BPIFB3: variants seen among roughly 807,000 people sequenced by gnomAD.
The protein encoded by BPIFB3 is BPI fold containing family B member 3.
Under a neutral mutation model 53.1 loss-of-function variants are expected in BPIFB3, and 49 were observed. The observed-to-expected ratio is 0.92, with a 90% CI of 0.73 to 1.17. The LOEUF (loss-of-function observed/expected upper bound fraction) is 1.17, where lower values mean the gene tolerates loss of function less well. Ranked by LOEUF, BPIFB3 falls within the 50% of genes most tolerant of loss-of-function variation. The pLI is 0.00. For synonymous variants in BPIFB3, 271 were observed against 269.6 expected, an observed-to-expected ratio of 1.01 and a Z score of -0.05; for missense variants, 628 against 592.5, an observed-to-expected ratio of 1.06 and a Z score of -0.62.
Position 33,072,006 on chromosome 20 carries a change from C to T in BPIFB3, c.1261-98C>T, listed in dbSNP as rs1171349632. On this transcript the variant is annotated intron_variant, in intron 12 of 14. Coordinates refer to ENST00000375494, the Ensembl canonical transcript of BPIFB3. Reference sequence around the variant, plus strand: ...TCAGGCTTGGGGGAGGCTGAGGCAGCTGGGCCCCTGGGTTTCTCTCCCTGG... The same window carrying T: ...TCAGGCTTGGGGGAGGCTGAGGCAGTTGGGCCCCTGGGTTTCTCTCCCTGG... 3.1e-6 allele frequency: 4 copies of T among 1,285,838 alleles called. No individual in the cohort carries two copies. The East Asian group carries it at 9.5e-5, about 31-fold the overall frequency. The allele number at this position is 1,285,838 out of a possible 1,614,324, so 79.7% of individuals were successfully genotyped here.
intron 2 of BPIFB3, among the ~76,000 whole-genome samples, chr20:33,058,954 A>G (rs373511719): frequency 3.3e-5 from 5 of 152,038 alleles, no homozygotes; most frequent in East Asian, 1.9e-4. Flanking sequence ...ACTTGTGAGG[A>G]GTCGTGTTTG....
chr20:33,069,231 A>T (rs993047272), intron 10 of BPIFB3, among the ~76,000 whole-genome samples: 1 of 151,968 alleles, frequency 6.6e-6, no homozygotes, highest in Non-Finnish European at 1.5e-5. Flanking sequence ...TGGGGATCTC[A>T]GACGTTGCTC....
At chr20:33,054,341 G>C (rs905835224), upstream of BPIFB3, among the ~76,000 whole-genome samples, 1 of 152,108 alleles carries the variant, frequency 6.6e-6, no homozygotes, top group Non-Finnish European at 1.5e-5. Flanking sequence ...CATGGTCCCT[G>C]CCTTCATGGA....
chr20:33,063,291 C>T (rs1980528168), intron 5 of BPIFB3, among the ~76,000 whole-genome samples: 1 of 152,186 alleles, frequency 6.6e-6, no homozygotes, highest in African/African-American at 2.4e-5. Flanking sequence ...GCCGCTTTTG[C>T]CTCCTCAGGT....
intron 5 of BPIFB3, among the ~76,000 whole-genome samples, 198 bp downstream of exon 6, chr20:33,062,029 C>T (rs887064249): frequency 7.4e-5 from 11 of 148,060 alleles, no homozygotes; most frequent in African/African-American, 1.3e-4. Context: ...ACGATCCTTT[C>T]GGCCTGGGTC....
chr20:33,072,177 G>T lies in BPIFB3; in HGVS notation c.1324+10G>T, dbSNP rs746054391. ...GCACCAAAGCTTAACGGTATGGCAGGTTTTGCTCTCTTGGACACATGGAGT... is the reference window on the plus strand; with the variant it reads ...GCACCAAAGCTTAACGGTATGGCAGTTTTTGCTCTCTTGGACACATGGAGT... On this transcript the variant is annotated intron_variant, in intron 13 of 14. Coordinates refer to ENST00000375494, the Ensembl canonical transcript of BPIFB3. 1 of 1,614,134 alleles carries T rather than the reference G, an allele frequency of 6.2e-7. No individual in the cohort carries two copies. Among genetic ancestry groups the T allele is most frequent in the East Asian group, 2.2e-5 (1 of 44,886 alleles).
At chr20:33,061,796 G>T (rs148635670) in exon 5 of BPIFB3, 113 of 1,614,064 alleles carry the variant, frequency 7.0e-5, no homozygotes, top group Non-Finnish European at 9.0e-5. Flanking sequence ...CTTTGGGGTC[G>T]TGGAACAGAT....
chr20:33,054,481 G>T (rs1316766367), upstream of BPIFB3, among the ~76,000 whole-genome samples: 2 of 152,186 alleles, frequency 1.3e-5, no homozygotes, highest in Non-Finnish European at 2.9e-5. Context: ...AAGGACGGAG[G>T]CCTCTCCAGG....
At chr20:33,058,227 T>C (rs1239182504) in intron 2 of BPIFB3, among the ~76,000 whole-genome samples, 1 of 152,210 alleles carries the variant, frequency 6.6e-6, no homozygotes, top group African/African-American at 2.4e-5. Context: ...AATGGGGTAC[T>C]GGGAGCGGAA....
Position 33,059,890 on chromosome 20 carries a change from G to T in BPIFB3, c.387-1G>T, listed in dbSNP as rs11697151. The T allele has an allele frequency of 9.9e-3, 15,904 of 1,613,542 alleles. 111 individuals are homozygous for T. The highest frequency in any genetic ancestry group is 0.012 in the Non-Finnish European group (13,608 of 1,179,782). On this transcript the variant is annotated splice_acceptor_variant, in intron 3 of 14. Coordinates refer to ENST00000375494, the Ensembl canonical transcript of BPIFB3. LOFTEE classifies it high-confidence loss of function. The stretch of plus-strand genomic sequence containing the variant: ...CACACCCCCAGTGTCCTTTCTTGCA[G>T]CCCCCTTGGTGGCCTTCTGCAGCTG...
At chr20:33,064,462 G>C (rs746590781) in exon 7 of BPIFB3, 2 of 1,613,948 alleles carry the variant, frequency 1.2e-6, no homozygotes, top group South Asian at 2.2e-5. Context: ...CGCAGGCCTG[G>C]TGTCCCTTGG....
chr20:33,064,618 G>GGGTGAGCACCCTAA (rs777411556), intron 7 of BPIFB3, 48 bp from the exon 9 acceptor site: 1 of 1,613,092 alleles, frequency 6.2e-7, no homozygotes, highest in Admixed American at 1.7e-5. Context: ...CAAGGCAGGT[G>GGGTGAGCACCCTAA]GGTGAGCACC....
chr20:33,061,978 C>T, intron 5 of BPIFB3, 147 bp downstream of exon 6: 1 of 924,760 alleles, frequency 1.1e-6, no homozygotes, highest in South Asian at 1.7e-5. Flanking sequence ...GGCCTGCTGA[C>T]CGGCCTTCCT....
chr20:33,066,798 A>C, intron 8 of BPIFB3, 26 bp from the exon 10 acceptor site: 3 of 1,612,402 alleles, frequency 1.9e-6, no homozygotes, highest in Non-Finnish European at 2.5e-6. Context: ...TGTGCTCACC[A>C]ACCCTCTCTC....
intron 8 of BPIFB3, among the ~76,000 whole-genome samples, chr20:33,065,050 C>T (rs1032585489): frequency 2.6e-5 from 4 of 152,204 alleles, no homozygotes; most frequent in Admixed American, 1.3e-4. Flanking sequence ...TGGTCCTCTA[C>T]CTGGTTAAAC....
At chr20:33,060,545 G>C (rs1441752561) in intron 4 of BPIFB3, among the ~76,000 whole-genome samples, 1 of 152,098 alleles carries the variant, frequency 6.6e-6, no homozygotes, top group Non-Finnish European at 1.5e-5. Flanking sequence ...CCTACACCTT[G>C]TTGAATCATC....
intron 9 of BPIFB3, 151 bp from the exon 11 acceptor site, chr20:33,068,652 T>C: frequency 1.3e-6 from 1 of 765,390 alleles, no homozygotes; most frequent in Non-Finnish European, 2.1e-6. Context: ...GTCAGCCTCA[T>C]GGGGGCTGAG....
chr20:33,072,134 G>A (rs1980928151), exon 13 of BPIFB3: 2 of 1,614,114 alleles, frequency 1.2e-6, no homozygotes, highest in African/African-American at 1.3e-5. Flanking sequence ...GCTCAGCCAT[G>A]TGGTCGGGGC....
At chr20:33,066,682 A>G in intron 8 of BPIFB3, 142 bp from the exon 10 acceptor site, 2 of 767,662 alleles carry the variant, frequency 2.6e-6, no homozygotes, top group South Asian at 3.2e-5. Flanking sequence ...AGCTGATAGA[A>G]CAAACTTGAG....
Sources: gnomAD v4.1 joint callset for allele counts (sites outside exome capture counted in the v4.1 genomes callset) on GRCh38, gnomAD v4.1.1 for gene constraint, MANE v1.5 for transcripts, NCBI Gene and HGNC (gene_info 2026-07-23, HGNC 2026-07-21) for gene names.